AGBL4: variants seen among roughly 807,000 people sequenced by gnomAD.
AGBL4 encodes the protein cytosolic carboxypeptidase 6.
In AGBL4, 58 loss-of-function variants were observed where a neutral mutation model predicts 66.4. The observed-to-expected ratio is 0.87, with a 90% confidence interval of 0.71 to 1.09. The LOEUF (loss-of-function observed/expected upper bound fraction) is 1.09. AGBL4 is among the 50% of genes least tolerant of loss of function. AGBL4 has a pLI of 0.00. For missense variants in AGBL4, 579 were observed against 631.0 expected, an observed-to-expected ratio of 0.92 and a Z score of 0.88; for synonymous variants, 234 against 222.9, an observed-to-expected ratio of 1.05 and a Z score of -0.44.
intron 3 of AGBL4, among the ~76,000 whole-genome samples, chr1:49,348,754 G>T (rs6658368): frequency 0.69 from 105,110 of 152,154 alleles, 37,132 homozygotes; most frequent in African/African-American, 0.8. Context: ...CACAGAAAAC[G>T]AATAGAAGCT....
chr1:49,630,273 A>G (rs990577309), intron 3 of AGBL4, among the ~76,000 whole-genome samples: 2 of 152,162 alleles, frequency 1.3e-5, no homozygotes, highest in Admixed American at 6.5e-5. Context: ...CTTGGTCTAC[A>G]ATCTCTGTGG....
intron 6 of AGBL4, among the ~76,000 whole-genome samples, chr1:48,738,470 G>A (rs1481834480): frequency 6.6e-6 from 1 of 152,176 alleles, no homozygotes; most frequent in Non-Finnish European, 1.5e-5. Context: ...TCCGCAGTTC[G>A]AACTGCAGGT....
chr1:48,761,501 T>C lies in AGBL4; in HGVS notation c.635-98260A>G, dbSNP rs1644252979. On this transcript the variant is annotated intron_variant, in intron 6 of 13. Coordinates refer to ENST00000371839, the MANE Select transcript of AGBL4 (RefSeq NM_032785.4). ...ATGCATATCAAGAGAACAAGGTTCA[T>C]CATGAGTTAAAATGAGTCATTATGA... The C allele has an allele frequency of 3.2e-6, 5 of 1,544,296 alleles. No individual in the cohort carries two copies. The East Asian group carries it at 1.2e-4, about 38-fold the overall frequency.
intron 2 of AGBL4, among the ~76,000 whole-genome samples, chr1:49,746,619 G>A (rs554727081): frequency 6.6e-6 from 1 of 152,016 alleles, no homozygotes; most frequent in South Asian, 2.1e-4. Flanking sequence ...GCAGGTAAAA[G>A]AATCAGATCT....
chr1:49,352,349 G>A (rs1352988429), intron 3 of AGBL4, among the ~76,000 whole-genome samples: 1 of 140,362 alleles, frequency 7.1e-6, no homozygotes, highest in Non-Finnish European at 1.5e-5. Context: ...AAAATTATTT[G>A]CCCACATGAA....
chr1:49,469,367 T>C (rs1318208442), intron 3 of AGBL4, among the ~76,000 whole-genome samples: 3 of 151,868 alleles, frequency 2.0e-5, no homozygotes, highest in East Asian at 1.9e-4. Context: ...GTGTTTAGGA[T>C]TGTATCTTTC....
At chr1:49,447,500 T>A (rs1646185654) in intron 3 of AGBL4, among the ~76,000 whole-genome samples, 1 of 152,116 alleles carries the variant, frequency 6.6e-6, no homozygotes, top group Non-Finnish European at 1.5e-5. Context: ...TGTAGTCTTA[T>A]GATGCCTGCA....
At chr1:49,951,764 A>T (rs1211983844) in intron 1 of AGBL4, among the ~76,000 whole-genome samples, 1 of 151,976 alleles carries the variant, frequency 6.6e-6, no homozygotes, top group African/African-American at 2.4e-5. Flanking sequence ...TAATCATTTC[A>T]CAATATATAT....
intron 5 of AGBL4, among the ~76,000 whole-genome samples, chr1:48,908,979 C>T (rs1252292812): frequency 6.6e-6 from 1 of 151,592 alleles, no homozygotes; most frequent in Non-Finnish European, 1.5e-5. Context: ...ACCCTCCAAA[C>T]ACTATGCTGT....
chr1:49,535,848 C>A (rs1246114657), intron 3 of AGBL4, among the ~76,000 whole-genome samples: 2 of 152,084 alleles, frequency 1.3e-5, no homozygotes, highest in African/African-American at 2.4e-5. Context: ...CCTGCCACCA[C>A]ACCCGGCTAA....
intron 5 of AGBL4, among the ~76,000 whole-genome samples, chr1:48,929,573 A>AT (rs1654869604): frequency 6.6e-6 from 1 of 152,208 alleles, no homozygotes; most frequent in Non-Finnish European, 1.5e-5. Context: ...TGTATGGCTT[A>AT]TAACTATATA....
At chr1:49,439,919 C>T (rs1026845262) in intron 3 of AGBL4, among the ~76,000 whole-genome samples, 11 of 152,030 alleles carry the variant, frequency 7.2e-5, no homozygotes, top group African/African-American at 2.2e-4. Context: ...TTAGTTCTGT[C>T]CCTCTAGAGA....
chr1:48,687,177 G>C (rs996280040), intron 6 of AGBL4, among the ~76,000 whole-genome samples: 3 of 152,206 alleles, frequency 2.0e-5, no homozygotes, highest in Non-Finnish European at 2.9e-5. Flanking sequence ...GACCAATGTG[G>C]AGAAGGTGAG....
At chr1:48,648,721 T>C (rs1645879006) in intron 8 of AGBL4, among the ~76,000 whole-genome samples, 1 of 152,234 alleles carries the variant, frequency 6.6e-6, no homozygotes, top group Admixed American at 6.5e-5. Context: ...TTGGTCACTG[T>C]TGTATGACCA....
intron 6 of AGBL4, among the ~76,000 whole-genome samples, chr1:48,809,554 T>A (rs1646003400): frequency 6.6e-6 from 1 of 152,164 alleles, no homozygotes; most frequent in Non-Finnish European, 1.5e-5. Context: ...CAATGCCACT[T>A]GGAGACATCT....
At position 49,171,314 on chromosome 1, in the gene AGBL4, T is replaced by A. The variant is rs573113626; in HGVS notation, c.377+74456A>T. On this transcript the variant is annotated intron_variant, in intron 4 of 13. Transcript: ENST00000371839. ...GCTGCCTATAGTGGGTGGACAGATA[T>A]GAGGTCTGAATATTCTGTTTCCATG... Among the ~76,000 whole-genome samples, 5 of 152,284 alleles carry A rather than the reference T, an allele frequency of 3.3e-5. No homozygotes were observed. In the South Asian group the frequency reaches 1.0e-3, roughly 32 times the overall value.
chr1:49,261,317 G>A (rs1176685905), intron 3 of AGBL4, among the ~76,000 whole-genome samples: 1 of 152,124 alleles, frequency 6.6e-6, no homozygotes, highest in Non-Finnish European at 1.5e-5. Context: ...AAGGAAATTA[G>A]GCAGGAGAAG....
At chr1:49,381,170 C>G (rs1644598006) in intron 3 of AGBL4, among the ~76,000 whole-genome samples, 1 of 152,012 alleles carries the variant, frequency 6.6e-6, no homozygotes, top group Non-Finnish European at 1.5e-5. Context: ...ACAACCCCAT[C>G]AAAAAGTGGG....
chr1:49,038,358 A>T (rs1473572873), intron 5 of AGBL4, among the ~76,000 whole-genome samples: 1 of 152,146 alleles, frequency 6.6e-6, no homozygotes, highest in Admixed American at 6.6e-5. Flanking sequence ...CCAGCAGAAG[A>T]TAGAAGCCTT....
Sources: gnomAD v4.1 joint callset for allele counts (sites outside exome capture counted in the v4.1 genomes callset) on GRCh38, gnomAD v4.1.1 for gene constraint, MANE v1.5 for transcripts, NCBI Gene and HGNC (gene_info 2026-07-23, HGNC 2026-07-21) for gene names.